The following L2HGDH variants were observed in gnomAD, a reference collection of about 807,000 sequenced individuals.
L2HGDH encodes L-2-hydroxyglutarate dehydrogenase, mitochondrial.
A neutral mutation model predicts 51.5 loss-of-function variants in L2HGDH; 34 were observed. The ratio of observed to expected loss-of-function variants is 0.66; its 90% CI spans 0.50 to 0.88. L2HGDH has a LOEUF of 0.88. Among genes scored for constraint, L2HGDH ranks in the 40% least tolerant of loss-of-function variants. The pLI is 0.00. For missense variants in L2HGDH, 558 were observed against 571.9 expected (o/e 0.98, Z 0.25); for synonymous variants, 198 against 197.9 (o/e 1.00, Z -0.01).
In L2HGDH at chr14:50,247,222, C is replaced by T. The variant is rs746040665; in HGVS notation, c.1228G>A (p.Asp410Asn). 2.1e-5 allele frequency: 34 copies of T among 1,613,910 alleles called. No homozygotes were observed. In the African/African-American group the frequency reaches 4.0e-4, roughly 19 times the overall value. ...TCTTCTACCAGATTTCCATCTCTAT[C>T]CAGGGCCTGGGCTCTTACTCCAGCT... is the stretch of plus-strand genomic sequence containing the variant. ...GPAGVRAQAL[D>N]RDGNLVEDFV... is the part of the protein sequence containing the mutation. Residue 410 changes from aspartate to asparagine, a missense_variant, in exon 10 of 10, where the codon GAT becomes AAT. Asp to Asn is a conservative substitution (Grantham distance 23, BLOSUM62 1). Coordinates refer to ENST00000267436, the MANE Select transcript of L2HGDH (RefSeq NM_024884.3).
chr14:50,267,366 T>G (rs1442632243), intron 8 of L2HGDH, among the ~76,000 whole-genome samples: 2 of 151,944 alleles, frequency 1.3e-5, no homozygotes, highest in Non-Finnish European at 2.9e-5. Context: ...GTATTTTTAG[T>G]AGAGATGGGG....
intron 4 of L2HGDH, among the ~76,000 whole-genome samples, chr14:50,288,383 T>C (rs1295916681): frequency 6.6e-6 from 1 of 152,210 alleles, no homozygotes; most frequent in Non-Finnish European, 1.5e-5. Context: ...ATTGTTTATA[T>C]GACCTTCTAA....
chr14:50,282,719 A>C (rs1890339905), intron 5 of L2HGDH, among the ~76,000 whole-genome samples: 1 of 152,206 alleles, frequency 6.6e-6, no homozygotes, highest in Admixed American at 6.5e-5. Flanking sequence ...AAATGAGTTA[A>C]TACTTGGAAA....
intron 9 of L2HGDH, among the ~76,000 whole-genome samples, chr14:50,261,509 G>A (rs767224432): frequency 2.6e-5 from 4 of 152,156 alleles, no homozygotes; most frequent in Non-Finnish European, 5.9e-5. Context: ...TTGAGACAGG[G>A]TCTTGTTCTC....
chr14:50,283,700 AT>A (rs1202119177), intron 5 of L2HGDH, among the ~76,000 whole-genome samples, 170 bp downstream of exon 5: 3 of 151,956 alleles, frequency 2.0e-5, no homozygotes, highest in East Asian at 1.9e-4. Context: ...TGTAAATGCT[AT>A]TTTTTTGTTA....
intron 9 of L2HGDH, among the ~76,000 whole-genome samples, chr14:50,253,682 T>C (rs538624317): frequency 5.3e-4 from 80 of 152,226 alleles, no homozygotes; most frequent in Middle Eastern, 3.4e-3. Flanking sequence ...CACTGCTGGA[T>C]ATATACCCAA....
At chr14:50,297,385 C>T (rs961230470) in intron 3 of L2HGDH, among the ~76,000 whole-genome samples, 4 of 151,072 alleles carry the variant, frequency 2.6e-5, no homozygotes, top group African/African-American at 9.9e-5. Context: ...CACACACACA[C>T]ATACACACAC....
At chr14:50,279,734 A>G (rs1890159649) in intron 5 of L2HGDH, among the ~76,000 whole-genome samples, 1 of 152,124 alleles carries the variant, frequency 6.6e-6, no homozygotes. Context: ...GCATATTTAA[A>G]AAGATTGCTT....
At chr14:50,286,707 A>AT (rs1272401878) in intron 4 of L2HGDH, among the ~76,000 whole-genome samples, 1 of 152,242 alleles carries the variant, frequency 6.6e-6, no homozygotes, top group African/African-American at 2.4e-5. Flanking sequence ...TATAAAGTAT[A>AT]TATCACTTCT....
intron 6 of L2HGDH, among the ~76,000 whole-genome samples, chr14:50,271,139 C>T (rs1889663156): frequency 6.6e-6 from 1 of 152,190 alleles, no homozygotes; most frequent in South Asian, 2.1e-4. Flanking sequence ...AGGCGTGAGC[C>T]ACCGCACCCA....
At position 50,245,107 on chromosome 14, in the gene L2HGDH, C is replaced by T. The variant is rs1887940074; in HGVS notation, c.*1951G>A. The T allele has an allele frequency of 1.2e-5, 12 of 985,530 alleles. No homozygotes were observed. The South Asian group carries it at 1.9e-4, about 15-fold the overall frequency. 61.0% of individuals were successfully genotyped at this position (985,530 alleles called of 1,614,324 possible). On this transcript the variant is annotated 3_prime_UTR_variant, in exon 10 of 10. Coordinates refer to ENST00000267436, the MANE Select transcript of L2HGDH (RefSeq NM_024884.3). ...ATGAGGTGAATGTAAGGCACTTTCGCGGTTTACAAAAGTGAATGCCTCAAA... is the reference window on the plus strand; with the variant it reads ...ATGAGGTGAATGTAAGGCACTTTCGTGGTTTACAAAAGTGAATGCCTCAAA...
At chr14:50,296,551 A>T (rs2139199321) in intron 3 of L2HGDH, among the ~76,000 whole-genome samples, 1 of 151,274 alleles carries the variant, frequency 6.6e-6, no homozygotes, top group African/African-American at 2.4e-5. Flanking sequence ...AGAAAAACTT[A>T]ATAAACCTAT....
rs771480457 is a variant in L2HGDH, at chr14:50,243,666, TA to T, written c.*3391del. ...CATTTTTATTTTTCAGGGTATTTTA[TA>T]TATATATATATATATATATTGTTTA... On this transcript the variant is annotated 3_prime_UTR_variant, in exon 10 of 10. Coordinates refer to ENST00000267436, the MANE Select transcript of L2HGDH (RefSeq NM_024884.3). 4,179 of 138,880 alleles carry T rather than the reference TA, an allele frequency of 0.03. 160 individuals are homozygous for T. The highest frequency in any genetic ancestry group is 0.1 in the Middle Eastern group (30 of 288). 8.6% of individuals were successfully genotyped at this position (138,880 alleles called of 1,614,324 possible). A position where few individuals can be genotyped will look rare whatever the true frequency, so the allele number is the denominator to read the frequency against.
chr14:50,310,466 G>A (rs2031039180), intron 1 of L2HGDH, among the ~76,000 whole-genome samples: 2 of 152,076 alleles, frequency 1.3e-5, no homozygotes, highest in South Asian at 4.1e-4. Flanking sequence ...CAGCACTTTG[G>A]GTGGCTGAAG....
intron 3 of L2HGDH, among the ~76,000 whole-genome samples, chr14:50,301,614 C>G (rs574383226): frequency 6.6e-6 from 1 of 152,268 alleles, no homozygotes; most frequent in South Asian, 2.1e-4. Flanking sequence ...AAGTGCAGAA[C>G]AGGCAAATCC....
intron 6 of L2HGDH, among the ~76,000 whole-genome samples, chr14:50,274,452 A>G (rs1348579702): frequency 6.6e-6 from 1 of 152,242 alleles, no homozygotes; most frequent in Admixed American, 6.5e-5. Flanking sequence ...CTATTATCAA[A>G]AAGACAAAAG....
intron 9 of L2HGDH, among the ~76,000 whole-genome samples, chr14:50,251,158 A>G (rs551404121): frequency 6.6e-6 from 1 of 151,592 alleles, no homozygotes; most frequent in Non-Finnish European, 1.5e-5. Context: ...TTTCAGATAA[A>G]TTTAACAAAG....
At chr14:50,288,965 G>A (rs901478711) in intron 4 of L2HGDH, among the ~76,000 whole-genome samples, 1 of 152,116 alleles carries the variant, frequency 6.6e-6, no homozygotes, top group Non-Finnish European at 1.5e-5. Context: ...CAATAGTTTT[G>A]TAATGCACTG....
Position 50,264,331 on chromosome 14 carries a change from T to C in L2HGDH, c.1196+1027A>G, listed in dbSNP as rs186491817. 1.8e-3 allele frequency among the ~76,000 whole-genome samples: 273 copies of C among 152,156 alleles called. 2 individuals are homozygous for C. Among genetic ancestry groups the C allele is most frequent in the African/African-American group, 5.0e-3 (209 of 41,554 alleles). ...AGGCAGAGGTTGCAGCGAGCTGAGA[T>C]GGTGCCATTGCACTCCAGCCTGGAC... On this transcript the variant is annotated intron_variant, in intron 9 of 9. Transcript: ENST00000267436.
Sources: gnomAD v4.1 joint callset for allele counts (sites outside exome capture counted in the v4.1 genomes callset) on GRCh38, gnomAD v4.1.1 for gene constraint, MANE v1.5 for transcripts, NCBI Gene and HGNC (gene_info 2026-07-23, HGNC 2026-07-21) for gene names.